Variants in CCDC60 observed in about 807,000 individuals in gnomAD.
CCDC60 encodes the protein coiled-coil domain-containing protein 60.
Under a neutral mutation model 63.5 loss-of-function variants are expected in CCDC60, and 54 were observed. The observed-to-expected ratio is 0.85, with a 90% CI of 0.68 to 1.07. CCDC60 has a LOEUF of 1.07. Ranked by LOEUF, CCDC60 falls within the 50% of genes least tolerant of loss-of-function variation. The probability of loss-of-function intolerance (pLI) is 0.00; values close to 1 mark genes in which losing one functional copy is unlikely to be tolerated. For missense variants in CCDC60, 651 were observed against 684.3 expected (o/e 0.95, Z 0.54); for synonymous variants, 206 against 238.8 (o/e 0.86, Z 1.27).
In CCDC60 at chr12:119,414,497, C is replaced by T. The variant is rs144315399; in HGVS notation, c.91-14186C>T. 3.9e-5 allele frequency among the ~76,000 whole-genome samples: 6 copies of T among 152,284 alleles called. No individual in the cohort carries two copies. The East Asian group carries it at 1.2e-3, about 29-fold the overall frequency. ...TGGGAAGACTGAATTTTCAGGGAGG[C>T]TTAATGGCTGAGGACTCAAGTTTTT... On this transcript the variant is annotated intron_variant, in intron 1 of 13. Coordinates refer to ENST00000327554, the MANE Select transcript of CCDC60 (RefSeq NM_178499.5).
At chr12:119,344,247 G>A (rs1955563629) in intron 1 of CCDC60, among the ~76,000 whole-genome samples, 1 of 152,086 alleles carries the variant, frequency 6.6e-6, no homozygotes, top group South Asian at 2.1e-4. Context: ...ATTGCCAAAT[G>A]TCCTCAGGGG....
chr12:119,452,535 T>C (rs1473311913), intron 2 of CCDC60, among the ~76,000 whole-genome samples: 2 of 152,124 alleles, frequency 1.3e-5, no homozygotes, highest in African/African-American at 4.8e-5. Context: ...TTCCACACAA[T>C]GAAATGAGGC....
intron 11 of CCDC60, among the ~76,000 whole-genome samples, chr12:119,526,386 T>G (rs552048318): frequency 6.6e-6 from 1 of 152,220 alleles, no homozygotes; most frequent in Admixed American, 6.5e-5. Context: ...CCAAAAGCAA[T>G]TGCAACAAAA....
chr12:119,494,559 T>C (rs1243541285), intron 5 of CCDC60, among the ~76,000 whole-genome samples: 1 of 152,190 alleles, frequency 6.6e-6, no homozygotes, highest in Non-Finnish European at 1.5e-5. Flanking sequence ...CTGACTCTTG[T>C]AATCCTTACT....
intron 8 of CCDC60, 117 bp downstream of exon 8, chr12:119,516,824 T>A: frequency 1.5e-6 from 1 of 648,982 alleles, no homozygotes; most frequent in Non-Finnish European, 2.7e-6. Context: ...CTGTGTTGTT[T>A]ATGTGTATCA....
chr12:119,406,818 G>A (rs1218487575), intron 1 of CCDC60, among the ~76,000 whole-genome samples: 1 of 152,174 alleles, frequency 6.6e-6, no homozygotes, highest in East Asian at 1.9e-4. Flanking sequence ...TGAAGCCAGA[G>A]CACCAGAGGA....
intron 2 of CCDC60, among the ~76,000 whole-genome samples, chr12:119,444,586 T>C (rs976302531): frequency 6.6e-6 from 1 of 152,188 alleles, no homozygotes; most frequent in African/African-American, 2.4e-5. Context: ...AAGCTGAAGT[T>C]TGTTATCCCA....
intron 2 of CCDC60, among the ~76,000 whole-genome samples, chr12:119,460,338 A>G (rs1235029774): frequency 2.0e-5 from 3 of 152,192 alleles, no homozygotes; most frequent in Admixed American, 2.0e-4. Flanking sequence ...ACTATATTTT[A>G]TCATGTCTAA....
Position 119,428,665 on chromosome 12 carries a change from C to T in CCDC60, c.91-18C>T. 1.3e-6 allele frequency: 2 copies of T among 1,534,554 alleles called. No homozygotes were observed. Among genetic ancestry groups the T allele is most frequent in the African/African-American group, 1.4e-5 (1 of 73,646 alleles). On this transcript the variant is annotated intron_variant, in intron 1 of 13. Coordinates refer to ENST00000327554, the MANE Select transcript of CCDC60 (RefSeq NM_178499.5). ...GTATTAACACTCCTTTTATTTTAACCCCTTGTCTTCTCATCAGGTCCCAGA... is the reference window on the plus strand; with the variant it reads ...GTATTAACACTCCTTTTATTTTAACTCCTTGTCTTCTCATCAGGTCCCAGA...
At chr12:119,519,470 T>A (rs866024368) in intron 8 of CCDC60, among the ~76,000 whole-genome samples, 1,562 of 146,346 alleles carry the variant, frequency 0.011, 22 homozygotes, top group African/African-American at 0.027. Context: ...TATATATATT[T>A]TTTTTTTTTT....
At chr12:119,523,212 TGC>T (rs1952577631) in intron 10 of CCDC60, among the ~76,000 whole-genome samples, 1 of 152,346 alleles carries the variant, frequency 6.6e-6, no homozygotes, top group African/African-American at 2.4e-5. Flanking sequence ...TCCTCCGCTG[TGC>T]CAGGCACCAT....
intron 1 of CCDC60, among the ~76,000 whole-genome samples, chr12:119,373,929 T>A (rs1292551799): frequency 6.6e-6 from 1 of 152,224 alleles, no homozygotes; most frequent in African/African-American, 2.4e-5. Context: ...CCAATTCCTT[T>A]CTCACTCTCT....
At chr12:119,374,979 C>T (rs1196280970) in intron 1 of CCDC60, among the ~76,000 whole-genome samples, 1 of 152,240 alleles carries the variant, frequency 6.6e-6, no homozygotes, top group African/African-American at 2.4e-5. Flanking sequence ...TGGCTGGCTT[C>T]CTTACCGCAT....
At chr12:119,487,255 G>A (rs1028208160) in intron 4 of CCDC60, among the ~76,000 whole-genome samples, 1 of 150,658 alleles carries the variant, frequency 6.6e-6, no homozygotes, top group African/African-American at 2.4e-5. Context: ...CCATTGTAAA[G>A]AGGAGGTGGG....
At chr12:119,513,423 A>AC (rs1372801288) in intron 7 of CCDC60, among the ~76,000 whole-genome samples, 1 of 152,210 alleles carries the variant, frequency 6.6e-6, no homozygotes, top group African/African-American at 2.4e-5. Flanking sequence ...ATAGGAGAGA[A>AC]TAGTTCTCTC....
intron 3 of CCDC60, among the ~76,000 whole-genome samples, chr12:119,473,620 C>G (rs925790179): frequency 3.3e-5 from 5 of 152,130 alleles, no homozygotes; most frequent in African/African-American, 1.2e-4. Context: ...ACCCTTCCCC[C>G]AGGAGTCCCC....
chr12:119,360,492 AG>A (rs1342707766), intron 1 of CCDC60, among the ~76,000 whole-genome samples: 1 of 146,490 alleles, frequency 6.8e-6, no homozygotes, highest in Non-Finnish European at 1.5e-5. Flanking sequence ...CTCACTTCTC[AG>A]ATGGGGCGGC....
At chr12:119,352,696 G>A (rs1955668584) in intron 1 of CCDC60, among the ~76,000 whole-genome samples, 1 of 152,092 alleles carries the variant, frequency 6.6e-6, no homozygotes, top group Admixed American at 6.5e-5. Flanking sequence ...CAGCACTTTG[G>A]GAGGCCGAAA....
intron 1 of CCDC60, among the ~76,000 whole-genome samples, chr12:119,426,026 T>C (rs890060842): frequency 2.6e-5 from 4 of 152,174 alleles, no homozygotes; most frequent in Admixed American, 2.0e-4. Context: ...GAATGTTCAT[T>C]ATGCAAAAGC....
Sources: gnomAD v4.1 joint callset for allele counts (sites outside exome capture counted in the v4.1 genomes callset) on GRCh38, gnomAD v4.1.1 for gene constraint, MANE v1.5 for transcripts, NCBI Gene and HGNC (gene_info 2026-07-23, HGNC 2026-07-21) for gene names.